The following SMG7 variants were observed in gnomAD, a reference collection of about 807,000 sequenced individuals.
The protein encoded by SMG7 is nonsense-mediated mRNA decay factor SMG7.
In SMG7, 34 loss-of-function variants were observed where a neutral mutation model predicts 148.2. The ratio of observed to expected loss-of-function variants is 0.23; its 90% CI spans 0.17 to 0.31. The LOEUF (loss-of-function observed/expected upper bound fraction) is 0.31, where lower values mean the gene tolerates loss of function less well. SMG7 is among the 10% of genes least tolerant of loss of function. SMG7 has a pLI of 1.00. For missense variants in SMG7, 1,114 were observed against 1,408.4 expected (o/e 0.79, Z 3.35); for synonymous variants, 492 against 515.1 (o/e 0.96, Z 0.61).
intron 1 of SMG7, among the ~76,000 whole-genome samples, chr1:183,476,076 A>T (rs750292132): frequency 5.3e-5 from 8 of 152,204 alleles, no homozygotes; most frequent in South Asian, 2.1e-4. Flanking sequence ...GGCTTGTGCC[A>T]GTCTGAATTT....
At chr1:183,512,510 A>C (rs1459583340) in intron 1 of SMG7, among the ~76,000 whole-genome samples, 1 of 152,168 alleles carries the variant, frequency 6.6e-6, no homozygotes, top group East Asian at 1.9e-4. Flanking sequence ...CATTGAGAGA[A>C]TTTTTAAAAA....
rs145082514 is a variant in SMG7, at chr1:183,544,455, A to C, written c.1945A>C (p.Ile649Leu). The C allele has an allele frequency of 3.7e-6, 6 of 1,613,874 alleles. No homozygotes were observed. In the African/African-American group the frequency reaches 6.7e-5, roughly 18 times the overall value. The change falls in exon 15 of 23, where the codon ATT becomes CTT. Residue 649 changes from isoleucine to leucine, a missense_variant. Physicochemically the swap from Ile to Leu is conservative, Grantham distance 5. Transcript: ENST00000688051. ...AGCAAGTAACTCCCAGTTCATCCCC[A>C]TTCATCACCCTGGAGCCTTCCCTCC... ...TQASNSQFIP[I>L]HHPGAFPPLP... is the part of the protein sequence containing the mutation.
chr1:183,553,316 A>T lies in SMG7; in HGVS notation c.*1385A>T. The T allele has an allele frequency of 9.1e-7, 1 of 1,099,656 alleles. No individual in the cohort carries two copies. Among genetic ancestry groups the T allele is most frequent in the Non-Finnish European group, 1.3e-6 (1 of 789,112 alleles). The allele number at this position is 1,099,656 out of a possible 1,614,324, so 68.1% of individuals were successfully genotyped here. A position where few individuals can be genotyped will look rare whatever the true frequency, so the allele number is the denominator to read the frequency against. ...TGGAAAAGTAATATTTTAAGGGGAA[A>T]TTATGGAAACAATCTAATTGTTCAA... On this transcript the variant is annotated 3_prime_UTR_variant, in exon 23 of 23. Transcript: ENST00000688051.
intron 13 of SMG7, 50 bp downstream of exon 13, chr1:183,541,153 AACACATGCGCGC>A (rs1195713317): frequency 6.3e-7 from 1 of 1,581,192 alleles, no homozygotes; most frequent in African/African-American, 1.4e-5. Flanking sequence ...TTTTTAGATA[AACACATGCGCGC>A]ACACGCGCGC....
chr1:183,477,398 TTGTG>T (rs143157038), intron 1 of SMG7, among the ~76,000 whole-genome samples: 11,934 of 132,926 alleles, frequency 0.09, 813 homozygotes, highest in Admixed American at 0.14. Flanking sequence ...CTGTTTTGTT[TTGTG>T]TGTGTGTGTG....
At chr1:183,509,785 T>C (rs1661731541) in intron 1 of SMG7, among the ~76,000 whole-genome samples, 1 of 152,206 alleles carries the variant, frequency 6.6e-6, no homozygotes, top group Non-Finnish European at 1.5e-5. Context: ...GACATTTTTA[T>C]ATTTCTATTA....
intron 4 of SMG7, 62 bp downstream of exon 4, chr1:183,517,882 C>CATGT: frequency 1.3e-6 from 2 of 1,529,524 alleles, no homozygotes; most frequent in African/African-American, 2.7e-5. Context: ...GCTCTTTGTA[C>CATGT]ACGTCTTAAT....
At chr1:183,538,544 G>C in intron 12 of SMG7, 104 bp downstream of exon 12, 1 of 807,042 alleles carries the variant, frequency 1.2e-6, no homozygotes, top group East Asian at 2.5e-5. Context: ...TGTCCCAGCT[G>C]TGTGTTATTT....
intron 1 of SMG7, 129 bp downstream of exon 1, chr1:183,472,778 C>G (rs1376276313): frequency 2.4e-6 from 2 of 826,678 alleles, no homozygotes; most frequent in Non-Finnish European, 3.4e-6. Context: ...GGCAGGTCGG[C>G]GGAGACTGCA....
At chr1:183,502,436 T>C in intron 1 of SMG7, 1 of 1,450,580 alleles carries the variant, frequency 6.9e-7, no homozygotes, top group South Asian at 1.2e-5. Context: ...TTTATTCCTT[T>C]TGGAGATGTG....
chr1:183,503,594 T>G (rs1415554625), intron 1 of SMG7, among the ~76,000 whole-genome samples: 2 of 152,178 alleles, frequency 1.3e-5, no homozygotes. Flanking sequence ...AATGTCTTTT[T>G]CAACCCAATG....
rs374524537 is a variant in SMG7 at position 183,551,028 on chromosome 1, C to G, written c.3305-17C>G. The G allele has an allele frequency of 2.4e-5, 39 of 1,613,852 alleles. No individual in the cohort carries two copies. In the African/African-American group the frequency reaches 4.5e-4, roughly 19 times the overall value. On this transcript the variant is annotated splice_polypyrimidine_tract_variant and intron_variant, in intron 21 of 22. Coordinates refer to ENST00000688051, the MANE Select transcript of SMG7 (RefSeq NM_001375584.1). The stretch of plus-strand genomic sequence containing the variant: ...GAACATCTTCTTGAATTTTTCTTAT[C>G]TCTTTTCATCCCTTAGCCATGGGTG...
chr1:183,541,941 G>T, intron 13 of SMG7, 135 bp from the exon 14 acceptor site: 1 of 718,380 alleles, frequency 1.4e-6, no homozygotes, highest in Non-Finnish European at 2.2e-6. Context: ...TGTGTTACCT[G>T]AATCCACATT....
chr1:183,508,287 T>TA (rs1207787624), intron 1 of SMG7: 2 of 189,848 alleles, frequency 1.1e-5, no homozygotes, highest in African/African-American at 4.8e-5. Context: ...TCAGAACTCC[T>TA]AGGCTCAAGC....
At chr1:183,475,113 T>A (rs997428619) in intron 1 of SMG7, among the ~76,000 whole-genome samples, 2 of 152,234 alleles carry the variant, frequency 1.3e-5, no homozygotes, top group Non-Finnish European at 2.9e-5. Context: ...ATGTAGGTCT[T>A]CTAACTTCAA....
At chr1:183,533,583 TAAAC>T in intron 9 of SMG7, 89 bp from the exon 10 acceptor site, 3 of 1,108,766 alleles carry the variant, frequency 2.7e-6, no homozygotes, top group Non-Finnish European at 3.9e-6. Context: ...ACTCAAGTGT[TAAAC>T]AGAATATAGT....
Position 183,542,419 on chromosome 1 carries a change from G to A in SMG7, c.1759G>A (p.Asp587Asn). Residue 587 changes from aspartate to asparagine, a missense_variant, in exon 14 of 23, where the codon GAC becomes AAC. Physicochemically the swap from Asp to Asn is conservative, Grantham distance 23 (BLOSUM62 1). This residue lies in a region of SMG7 where 788 missense variants were observed against 894.5 expected (regional missense o/e 0.88). Transcript: ENST00000688051. ...ITVTKNDGKK[D>N]NNKRKTETKK... ...TGTAACTAAGAATGATGGAAAGAAGGACAACAACAAGAGGAAAACTGAAAC... is the reference window on the plus strand; with the variant it reads ...TGTAACTAAGAATGATGGAAAGAAGAACAACAACAAGAGGAAAACTGAAAC... 2 of 1,614,002 alleles carry A rather than the reference G, an allele frequency of 1.2e-6. No homozygotes were observed. The highest frequency in any genetic ancestry group is 1.7e-6 in the Non-Finnish European group (2 of 1,179,946).
intron 4 of SMG7, among the ~76,000 whole-genome samples, chr1:183,524,579 G>C (rs1379462622): frequency 6.6e-6 from 1 of 152,202 alleles, no homozygotes; most frequent in East Asian, 1.9e-4. Flanking sequence ...GCATGATTCA[G>C]ATCCTTCTGA....
At chr1:183,517,553 A>G in intron 3 of SMG7, 135 bp from the exon 4 acceptor site, 1 of 843,780 alleles carries the variant, frequency 1.2e-6, no homozygotes, top group Non-Finnish European at 2.0e-6. Flanking sequence ...TATTTAAATA[A>G]ATGAATAACT....
Sources: gnomAD v4.1 joint callset for allele counts (sites outside exome capture counted in the v4.1 genomes callset) on GRCh38, gnomAD v4.1.1 for gene constraint, gnomAD v4.1.1 regional missense constraint, MANE v1.5 for transcripts, NCBI Gene and HGNC (gene_info 2026-07-23, HGNC 2026-07-21) for gene names.